Variants in RAD51B observed in about 807,000 individuals in gnomAD.
The protein encoded by RAD51B is RAD51 paralog B.
Under a neutral mutation model 42.2 loss-of-function variants are expected in RAD51B, and 38 were observed. The ratio of observed to expected loss-of-function variants is 0.90; its 90% confidence interval spans 0.70 to 1.18. The LOEUF (loss-of-function observed/expected upper bound fraction) is 1.18. Among genes scored for constraint, RAD51B ranks in the 50% most tolerant of loss-of-function variants. The pLI is 0.00. For synonymous variants in RAD51B, 154 were observed against 145.2 expected (o/e 1.06, Z -0.43); for missense variants, 373 against 400.7 (o/e 0.93, Z 0.59).
intron 8 of RAD51B, among the ~76,000 whole-genome samples, chr14:68,388,003 A>AT (rs958263170): frequency 8.2e-5 from 12 of 146,020 alleles, no homozygotes; most frequent in Admixed American, 3.4e-4. Flanking sequence ...ACCAATTTCT[A>AT]TTTTTTTCAT....
At chr14:68,624,116 A>C (rs114993223) in intron 10 of RAD51B, among the ~76,000 whole-genome samples, 1,692 of 152,252 alleles carry the variant, frequency 0.011, 25 homozygotes, top group African/African-American at 0.037. Context: ...AACACATCTC[A>C]TACTCAGGAT....
chr14:67,852,653 T>C (rs1352046399), intron 4 of RAD51B, among the ~76,000 whole-genome samples: 3 of 152,150 alleles, frequency 2.0e-5, no homozygotes, highest in Non-Finnish European at 2.9e-5. Flanking sequence ...CAGACAAACC[T>C]GATACAATGT....
intron 3 of RAD51B, among the ~76,000 whole-genome samples, chr14:67,826,850 G>A (rs545727239): frequency 5.9e-5 from 9 of 151,992 alleles, no homozygotes; most frequent in South Asian, 2.1e-4. Flanking sequence ...GCCCAACTAC[G>A]TTTTGTGTTT....
At chr14:67,862,711 T>G (rs1162093198) in intron 4 of RAD51B, among the ~76,000 whole-genome samples, 3 of 152,174 alleles carry the variant, frequency 2.0e-5, no homozygotes, top group Non-Finnish European at 2.9e-5. Context: ...AATCACCGAA[T>G]CACAAAATAT....
intron 10 of RAD51B, among the ~76,000 whole-genome samples, chr14:68,555,446 A>T (rs1313582797): frequency 6.6e-6 from 1 of 152,138 alleles, no homozygotes; most frequent in Non-Finnish European, 1.5e-5. Flanking sequence ...ATGATCTTGG[A>T]GGGTATTTCC....
intron 7 of RAD51B, among the ~76,000 whole-genome samples, chr14:68,101,376 G>A (rs375075822): frequency 2.0e-5 from 3 of 152,084 alleles, no homozygotes; most frequent in East Asian, 3.9e-4. Flanking sequence ...AGTCTCATCC[G>A]AGACAAAGTA....
At chr14:68,642,945 G>T (rs1333976808) in intron 10 of RAD51B, among the ~76,000 whole-genome samples, 1 of 152,152 alleles carries the variant, frequency 6.6e-6, no homozygotes, top group South Asian at 2.1e-4. Flanking sequence ...TAATTCCGTT[G>T]TAGTTTGAGA....
chr14:67,973,504 C>T (rs1409305509), intron 7 of RAD51B, among the ~76,000 whole-genome samples: 3 of 151,832 alleles, frequency 2.0e-5, no homozygotes, highest in Admixed American at 2.0e-4. Flanking sequence ...ATTCCTATTC[C>T]TTTGTACTTC....
intron 10 of RAD51B, among the ~76,000 whole-genome samples, chr14:68,514,440 A>G (rs886765533): frequency 6.6e-6 from 1 of 152,172 alleles, no homozygotes; most frequent in Non-Finnish European, 1.5e-5. Flanking sequence ...AAAAATAATC[A>G]TTTGACTCAA....
intron 7 of RAD51B, among the ~76,000 whole-genome samples, chr14:67,903,206 A>G (rs1279637348): frequency 6.6e-6 from 1 of 152,172 alleles, no homozygotes; most frequent in East Asian, 1.9e-4. Flanking sequence ...GTATACTGTC[A>G]GGAATCTGCA....
At chr14:67,820,512 A>G (rs1237059695) in intron 1 of RAD51B, among the ~76,000 whole-genome samples, 1 of 152,196 alleles carries the variant, frequency 6.6e-6, no homozygotes, top group East Asian at 1.9e-4. Flanking sequence ...CTCATGTGCA[A>G]TACACATACG....
intron 7 of RAD51B, among the ~76,000 whole-genome samples, chr14:67,988,199 G>A (rs10130997): frequency 0.06 from 9,096 of 152,192 alleles, 635 homozygotes; most frequent in African/African-American, 0.17. Context: ...GGTCGTTCAC[G>A]CCTGTAATCC....
intron 10 of RAD51B, among the ~76,000 whole-genome samples, chr14:68,636,867 G>A (rs115369230): frequency 0.019 from 2,937 of 152,320 alleles, 88 homozygotes; most frequent in African/African-American, 0.066. Context: ...AGCCCTGCAT[G>A]AGGGAAGGTG....
chr14:67,892,079 T>G (rs900631793), intron 7 of RAD51B, among the ~76,000 whole-genome samples: 3 of 152,148 alleles, frequency 2.0e-5, no homozygotes, highest in Non-Finnish European at 4.4e-5. Context: ...CTCTTATTAC[T>G]TTCATATTTT....
chr14:68,421,839 G>C (rs10873213), intron 9 of RAD51B: 665,991 of 1,560,622 alleles, frequency 0.43, 149,661 homozygotes, highest in African/African-American at 0.59. Context: ...CAACCACTCA[G>C]TCTTGGCAGT....
chr14:68,342,034 T>A (rs925809872), intron 8 of RAD51B, among the ~76,000 whole-genome samples: 4 of 152,236 alleles, frequency 2.6e-5, no homozygotes, highest in African/African-American at 9.6e-5. Context: ...TTCACTCTAA[T>A]TCCCTAGGTT....
chr14:68,070,779 T>A (rs780597633), intron 7 of RAD51B, among the ~76,000 whole-genome samples: 7 of 151,796 alleles, frequency 4.6e-5, no homozygotes, highest in Non-Finnish European at 8.8e-5. Flanking sequence ...TTGGTTCCAA[T>A]TGAATTTTAG....
chr14:68,177,259 C>T (rs969947902), intron 7 of RAD51B, among the ~76,000 whole-genome samples: 1 of 152,174 alleles, frequency 6.6e-6, no homozygotes, highest in East Asian at 1.9e-4. Flanking sequence ...GCCAGAAAGG[C>T]ACTCAGCCCA....
intron 8 of RAD51B, among the ~76,000 whole-genome samples, chr14:68,405,189 A>G (rs2084231203): frequency 6.6e-6 from 1 of 152,264 alleles, no homozygotes. Flanking sequence ...AAGCTCAGCA[A>G]GATTTAAGCT....
Sources: gnomAD v4.1 joint callset for allele counts (sites outside exome capture counted in the v4.1 genomes callset) on GRCh38, gnomAD v4.1.1 for gene constraint, MANE v1.5 for transcripts, NCBI Gene and HGNC (gene_info 2026-07-23, HGNC 2026-07-21) for gene names.